ZNF341: variants seen among roughly 807,000 people sequenced by gnomAD.
The protein encoded by ZNF341 is zinc finger protein 341.
In ZNF341, 52 loss-of-function variants were observed where a neutral mutation model predicts 87.7. The ratio of observed to expected loss-of-function variants is 0.59; its 90% CI spans 0.47 to 0.75. The LOEUF (loss-of-function observed/expected upper bound fraction) is 0.75. Ranked by LOEUF, ZNF341 falls within the 30% of genes least tolerant of loss-of-function variation. The pLI is 0.00. For missense variants in ZNF341, 977 were observed against 1,145.9 expected, an observed-to-expected ratio of 0.85 and a Z score of 2.13; for synonymous variants, 459 against 472.7, an observed-to-expected ratio of 0.97 and a Z score of 0.38.
chr20:33,756,368 CTT>C (rs5841147), intron 5 of ZNF341, among the ~76,000 whole-genome samples: 108 of 137,006 alleles, frequency 7.9e-4, no homozygotes, highest in African/African-American at 1.2e-3. Context: ...CTCTCTCTCT[CTT>C]TTTTTTTTTT....
rs151131899 is a variant in ZNF341 at position 33,788,676 on chromosome 20, C to T, written c.1853-187C>T. The T allele has an allele frequency of 3.4e-4, 220 of 650,650 alleles. No homozygotes were observed. In the African/African-American group the frequency reaches 3.6e-3, roughly 11 times the overall value. The allele number at this position is 650,650 out of a possible 1,614,324, so 40.3% of individuals were successfully genotyped here. ...GCCTCATCAGAGAGGCCTCTCCTGACCATCCTGTCAAAATAGCCCTGTCTT... is the reference window on the plus strand; with the variant it reads ...GCCTCATCAGAGAGGCCTCTCCTGATCATCCTGTCAAAATAGCCCTGTCTT... On this transcript the variant is annotated intron_variant, in intron 12 of 14. Coordinates refer to ENST00000375200, the MANE Select transcript of ZNF341 (RefSeq NM_001282933.2).
At chr20:33,785,925 C>T (rs949357368) in intron 12 of ZNF341, among the ~76,000 whole-genome samples, 1 of 152,062 alleles carries the variant, frequency 6.6e-6, no homozygotes, top group Non-Finnish European at 1.5e-5. Context: ...CCCCCGGGCC[C>T]CCCCCAGAAG....
At chr20:33,740,642 C>T (rs1297940676) in intron 1 of ZNF341, among the ~76,000 whole-genome samples, 2 of 152,010 alleles carry the variant, frequency 1.3e-5, no homozygotes, top group Non-Finnish European at 2.9e-5. Flanking sequence ...GTAGCTGGGA[C>T]CACAGGCATG....
intron 8 of ZNF341, among the ~76,000 whole-genome samples, chr20:33,765,479 A>G (rs1207759759): frequency 1.3e-5 from 2 of 151,756 alleles, no homozygotes; most frequent in Non-Finnish European, 2.9e-5. Flanking sequence ...CCCGGGCTCA[A>G]GTGATCCTCC....
At chr20:33,784,058 C>T (rs1442544351) in intron 12 of ZNF341, among the ~76,000 whole-genome samples, 194 bp downstream of exon 12, 1 of 133,328 alleles carries the variant, frequency 7.5e-6, no homozygotes, top group Admixed American at 7.4e-5. Flanking sequence ...CCCCGTCTCC[C>T]TCCTCCTCCC....
At chr20:33,739,244 A>G (rs2018754192) in intron 1 of ZNF341, among the ~76,000 whole-genome samples, 9 of 152,230 alleles carry the variant, frequency 5.9e-5, no homozygotes, top group Admixed American at 5.9e-4. Context: ...CTGGAATTAC[A>G]GGCGTGAGCC....
chr20:33,757,132 T>C lies in ZNF341; in HGVS notation c.742-16T>C, dbSNP rs779332321. 5 of 1,383,124 alleles carry C rather than the reference T, an allele frequency of 3.6e-6. No homozygotes were observed. The East Asian group carries it at 1.1e-4, about 31-fold the overall frequency. 85.7% of individuals were successfully genotyped at this position (1,383,124 alleles called of 1,614,324 possible). ...TCCCTGGCAGGGCTTTTTCCCTGAC[T>C]GTGTTGTCCTCCTAGGTGCCAAACC... On this transcript the variant is annotated splice_polypyrimidine_tract_variant and intron_variant, in intron 5 of 14. Transcript: ENST00000375200.
In ZNF341 at chr20:33,732,093, T is replaced by G; in HGVS notation, c.31+41T>G. 1 of 1,194,966 alleles carries G rather than the reference T, an allele frequency of 8.4e-7. No individual in the cohort carries two copies. The highest frequency in any genetic ancestry group is 1.0e-6 in the Non-Finnish European group (1 of 963,558). The allele number at this position is 1,194,966 out of a possible 1,614,324, so 74.0% of individuals were successfully genotyped here. On this transcript the variant is annotated intron_variant, in intron 1 of 14. Coordinates refer to ENST00000375200, the MANE Select transcript of ZNF341 (RefSeq NM_001282933.2). The surrounding 1 kb of genome is among the most constrained non-coding windows in gnomAD (Gnocchi z 4.5). Reference sequence around the variant, plus strand: ...GCCGGCGGAGGCGGCTGTTCCGCGCTGCGCCCCCTCCCGCCGCGCCCTCGC... The same window carrying G: ...GCCGGCGGAGGCGGCTGTTCCGCGCGGCGCCCCCTCCCGCCGCGCCCTCGC...
In ZNF341 at chr20:33,764,088, G is replaced by C. The variant is rs565463211; in HGVS notation, c.1222+2033G>C. 4.8e-3 allele frequency among the ~76,000 whole-genome samples: 704 copies of C among 148,002 alleles called. 2 individuals are homozygous for C. Among genetic ancestry groups the C allele is most frequent in the Middle Eastern group, 0.01 (3 of 286 alleles). On this transcript the variant is annotated intron_variant, in intron 8 of 14. Transcript: ENST00000375200. ...TGCCCAGGCTGGAGTGCAGTGGCGCGATCTCAGCTCACTGCAAGCTCCGCC... is the reference window on the plus strand; with the variant it reads ...TGCCCAGGCTGGAGTGCAGTGGCGCCATCTCAGCTCACTGCAAGCTCCGCC...
At chr20:33,742,781 C>T (rs1228586135) in intron 2 of ZNF341, among the ~76,000 whole-genome samples, 1 of 152,106 alleles carries the variant, frequency 6.6e-6, no homozygotes, top group East Asian at 1.9e-4. Context: ...CTTTCCTTTT[C>T]CTTTTATGAG....
At chr20:33,789,020 C>A in intron 13 of ZNF341, 46 bp downstream of exon 13, 1 of 1,479,582 alleles carries the variant, frequency 6.8e-7, no homozygotes, top group Non-Finnish European at 9.4e-7. Flanking sequence ...GGGACAGATT[C>A]TCCAGGGGTG....
At chr20:33,737,909 G>A (rs6141421) in intron 1 of ZNF341, among the ~76,000 whole-genome samples, 9,947 of 152,004 alleles carry the variant, frequency 0.065, 405 homozygotes, top group East Asian at 0.17. Flanking sequence ...AGGTCAAGGC[G>A]GGCAGATCAC....
At chr20:33,777,763 AG>A (rs1423162804) in intron 10 of ZNF341, among the ~76,000 whole-genome samples, 1 of 152,174 alleles carries the variant, frequency 6.6e-6, no homozygotes, top group Non-Finnish European at 1.5e-5. Flanking sequence ...AAGAAAAAAA[AG>A]GTTTTTTTGA....
chr20:33,732,074 G>C lies in ZNF341; in HGVS notation c.31+22G>C, dbSNP rs750694800. 2.4e-6 allele frequency: 3 copies of C among 1,262,890 alleles called. No homozygotes were observed. The East Asian group carries it at 9.5e-5, about 40-fold the overall frequency. 78.2% of individuals were successfully genotyped at this position (1,262,890 alleles called of 1,614,324 possible). Reference sequence around the variant, plus strand: ...GAGGGTGAGCGGCGGCGGGGCCGGCGGAGGCGGCTGTTCCGCGCTGCGCCC... The same window carrying C: ...GAGGGTGAGCGGCGGCGGGGCCGGCCGAGGCGGCTGTTCCGCGCTGCGCCC... On this transcript the variant is annotated intron_variant, in intron 1 of 14. Coordinates refer to ENST00000375200, the MANE Select transcript of ZNF341 (RefSeq NM_001282933.2). The surrounding 1 kb of genome is among the most constrained non-coding windows in gnomAD (Gnocchi z 4.5).
chr20:33,732,114 C>G lies in ZNF341; in HGVS notation c.31+62C>G, dbSNP rs2018576724. On this transcript the variant is annotated intron_variant, in intron 1 of 14. Coordinates refer to ENST00000375200, the MANE Select transcript of ZNF341 (RefSeq NM_001282933.2). This position sits in a 1 kb window ranked among gnomAD's most constrained non-coding sequence, Gnocchi z 4.5. Reference sequence around the variant, plus strand: ...GCGCTGCGCCCCCTCCCGCCGCGCCCTCGCAGCGCCCGGCCTAGGGCGCGC... The same window carrying G: ...GCGCTGCGCCCCCTCCCGCCGCGCCGTCGCAGCGCCCGGCCTAGGGCGCGC... 5 of 1,125,468 alleles carry G rather than the reference C, an allele frequency of 4.4e-6. No individual in the cohort carries two copies. In the South Asian group the frequency reaches 1.3e-4, roughly 29 times the overall value. The allele number at this position is 1,125,468 out of a possible 1,614,324, so 69.7% of individuals were successfully genotyped here. A position where few individuals can be genotyped will look rare whatever the true frequency, so the allele number is the denominator to read the frequency against.
rs1298985196 is a variant in ZNF341 at position 33,791,090 on chromosome 20, G to A, written c.2138G>A (p.Cys713Tyr). The A allele has an allele frequency of 2.5e-6, 4 of 1,613,066 alleles. No homozygotes were observed. The highest frequency in any genetic ancestry group is 3.4e-6 in the Non-Finnish European group (4 of 1,180,030). Residue 713 changes from cysteine (C) to tyrosine (Y), a missense_variant, in exon 15 of 15, where the codon TGT becomes TAT. Physicochemically the swap from Cys to Tyr is radical, Grantham distance 194. Transcript: ENST00000375200. ...CACACGGGCAACTACAAGTTCCGCTGTGCTGGCTGCGCCAAGGGCTTTTCC... is the reference window on the plus strand; with the variant it reads ...CACACGGGCAACTACAAGTTCCGCTATGCTGGCTGCGCCAAGGGCTTTTCC... Reference protein sequence around the residue: ...RAHTGNYKFRCAGCAKGFSRH... With the variant: ...RAHTGNYKFRYAGCAKGFSRH...
chr20:33,757,440 G>T, intron 6 of ZNF341, 97 bp downstream of exon 6: 1 of 1,117,782 alleles, frequency 8.9e-7, no homozygotes, highest in Non-Finnish European at 1.2e-6. Flanking sequence ...TTCAAGTTTG[G>T]TTGCATGTAA....
At chr20:33,752,739 G>A (rs533100175) in intron 4 of ZNF341, among the ~76,000 whole-genome samples, 5 of 145,874 alleles carry the variant, frequency 3.4e-5, no homozygotes, top group African/African-American at 7.7e-5. Flanking sequence ...TGCCAGCTCC[G>A]TCTCCCAGGT....
intron 4 of ZNF341, among the ~76,000 whole-genome samples, chr20:33,752,939 C>T (rs1157582142): frequency 6.6e-6 from 1 of 152,152 alleles, no homozygotes; most frequent in Non-Finnish European, 1.5e-5. Flanking sequence ...TGAGCCACTG[C>T]GCCCGGCCAT....
Sources: allele counts gnomAD v4.1 joint callset (sites outside exome capture counted in the v4.1 genomes callset), GRCh38; gene constraint gnomAD v4.1.1; non-coding constraint Gnocchi (gnomAD v3.1); transcripts MANE v1.5; gene names NCBI Gene and HGNC (gene_info 2026-07-23, HGNC 2026-07-21).